The following GNA14 variants were observed in gnomAD, a reference collection of about 807,000 sequenced individuals.
GNA14 encodes guanine nucleotide-binding protein subunit alpha-14.
GNA14 carries 50 observed loss-of-function variants against 42.0 expected under a neutral mutation model. The ratio of observed to expected loss-of-function variants is 1.19; its 90% confidence interval spans 0.95 to 1.51. The LOEUF is 1.51. GNA14 is among the 40% of genes most tolerant of loss of function. The pLI is 0.00. For missense variants in GNA14, 473 were observed against 446.2 expected (o/e 1.06, Z -0.54); for synonymous variants, 173 against 163.1 (o/e 1.06, Z -0.46).
intron 2 of GNA14, among the ~76,000 whole-genome samples, chr9:77,524,757 T>G (rs1016809341): frequency 1.3e-5 from 2 of 151,802 alleles, no homozygotes; most frequent in African/African-American, 4.8e-5. Context: ...CACAGGAAAA[T>G]GATAGAGAAG....
Position 77,478,689 on chromosome 9 carries a change from G to C in GNA14, c.310-44167C>G, listed in dbSNP as rs1051995065. ...TTTCTCCACATCCTCTCCAGCACCTGTTGTTTCCTGACTTTTTAATGATTG... is the reference window on the plus strand; with the variant it reads ...TTTCTCCACATCCTCTCCAGCACCTCTTGTTTCCTGACTTTTTAATGATTG... On this transcript the variant is annotated intron_variant, in intron 2 of 6. Coordinates refer to ENST00000341700, the MANE Select transcript of GNA14 (RefSeq NM_004297.4). Among the ~76,000 whole-genome samples, 521 of 152,208 alleles carry C rather than the reference G, an allele frequency of 3.4e-3. 4 individuals carry two copies. Among genetic ancestry groups the C allele is most frequent in the African/African-American group, 0.012 (507 of 41,542 alleles).
At chr9:77,568,026 G>A (rs189479758) in intron 1 of GNA14, among the ~76,000 whole-genome samples, 1 of 152,138 alleles carries the variant, frequency 6.6e-6, no homozygotes, top group African/African-American at 2.4e-5. Flanking sequence ...GAGGAGGAAG[G>A]AAGACTAGAA....
At chr9:77,643,366 A>G (rs1181726477) in intron 1 of GNA14, among the ~76,000 whole-genome samples, 1 of 151,566 alleles carries the variant, frequency 6.6e-6, no homozygotes, top group African/African-American at 2.4e-5. Flanking sequence ...CAACCTCCTG[A>G]GAAGCTGGGA....
chr9:77,516,375 T>G (rs1235414746), intron 2 of GNA14, among the ~76,000 whole-genome samples: 2 of 152,204 alleles, frequency 1.3e-5, no homozygotes, highest in Non-Finnish European at 2.9e-5. Context: ...GTGGCAGAGA[T>G]ACCACTCACT....
chr9:77,528,949 C>T, intron 2 of GNA14, 120 bp downstream of exon 2: 1 of 826,872 alleles, frequency 1.2e-6, no homozygotes, highest in South Asian at 1.6e-5. Flanking sequence ...GTGATCCCCA[C>T]ACCCCAGGGA....
In GNA14 at chr9:77,641,914, T is replaced by A. The variant is rs189954824; in HGVS notation, c.124+5756A>T. Among the ~76,000 whole-genome samples the A allele has an allele frequency of 4.1e-3, 629 of 152,308 alleles. 1 individual carries two copies. The highest frequency in any genetic ancestry group is 6.5e-3 in the Non-Finnish European group (443 of 68,022). ...TAGGGAAAAAAAGGCCACAATACATTTAACTTACCCTCAAACACTGCCAAG... is the reference window on the plus strand; with the variant it reads ...TAGGGAAAAAAAGGCCACAATACATATAACTTACCCTCAAACACTGCCAAG... On this transcript the variant is annotated intron_variant, in intron 1 of 6. Coordinates refer to ENST00000341700, the MANE Select transcript of GNA14 (RefSeq NM_004297.4).
chr9:77,550,577 A>T (rs1207959977), intron 1 of GNA14, among the ~76,000 whole-genome samples: 1 of 152,196 alleles, frequency 6.6e-6, no homozygotes, highest in African/African-American at 2.4e-5. Context: ...TTCAAAACAC[A>T]CTCATTATCA....
chr9:77,427,242 G>A (rs568901593), intron 5 of GNA14, among the ~76,000 whole-genome samples: 1 of 151,822 alleles, frequency 6.6e-6, no homozygotes, highest in Non-Finnish European at 1.5e-5. Flanking sequence ...AATCGTTTGA[G>A]TTTCCTGAGG....
At chr9:77,530,129 C>T (rs1837506800) in intron 1 of GNA14, among the ~76,000 whole-genome samples, 1 of 152,152 alleles carries the variant, frequency 6.6e-6, no homozygotes, top group African/African-American at 2.4e-5. Context: ...AGACCTGTGT[C>T]CCTACCCAAA....
intron 5 of GNA14, among the ~76,000 whole-genome samples, chr9:77,426,430 G>A (rs917212966): frequency 6.6e-6 from 1 of 151,804 alleles, no homozygotes; most frequent in Admixed American, 6.6e-5. Context: ...TCAGCCTCCC[G>A]AGTGGCTGGG....
intron 1 of GNA14, among the ~76,000 whole-genome samples, chr9:77,553,471 T>A (rs957800678): frequency 1.3e-5 from 2 of 151,896 alleles, no homozygotes; most frequent in African/African-American, 2.4e-5. Flanking sequence ...CAGTTTTTTT[T>A]AAAACAGCAC....
At chr9:77,493,026 A>ATATATATATATATATATAT (rs1261356124) in intron 2 of GNA14, among the ~76,000 whole-genome samples, 5 of 51,654 alleles carry the variant, frequency 9.7e-5, no homozygotes, top group Admixed American at 1.9e-4. Flanking sequence ...AAAAAAAAAA[A>ATATATATATATATATATAT]ATATATATAT....
intron 1 of GNA14, among the ~76,000 whole-genome samples, chr9:77,588,235 T>C (rs1365194330): frequency 6.6e-6 from 1 of 152,142 alleles, no homozygotes; most frequent in African/African-American, 2.4e-5. Context: ...GGGACATCTT[T>C]GGGGGGCTAT....
chr9:77,477,037 T>G (rs757000162), intron 2 of GNA14, among the ~76,000 whole-genome samples: 1 of 152,092 alleles, frequency 6.6e-6, no homozygotes, highest in South Asian at 2.1e-4. Flanking sequence ...GCACCAAGTA[T>G]AGTTTAAGGA....
intron 4 of GNA14, among the ~76,000 whole-genome samples, chr9:77,429,977 A>G (rs1409208839): frequency 6.6e-6 from 1 of 152,096 alleles, no homozygotes; most frequent in African/African-American, 2.4e-5. Flanking sequence ...CATTGTGGTT[A>G]GGTGGTCCAC....
At chr9:77,567,909 T>C (rs1464888923) in intron 1 of GNA14, among the ~76,000 whole-genome samples, 1 of 152,138 alleles carries the variant, frequency 6.6e-6, no homozygotes, top group Admixed American at 6.5e-5. Context: ...AGCAAAAGTT[T>C]GTGATAATGT....
chr9:77,432,197 G>T (rs1461583305), intron 3 of GNA14, among the ~76,000 whole-genome samples: 1 of 151,898 alleles, frequency 6.6e-6, no homozygotes, highest in African/African-American at 2.4e-5. Context: ...AAGAGTTGTA[G>T]ATGCAGAGCC....
At chr9:77,437,064 G>A (rs1835650461) in intron 2 of GNA14, among the ~76,000 whole-genome samples, 1 of 152,132 alleles carries the variant, frequency 6.6e-6, no homozygotes, top group Non-Finnish European at 1.5e-5. Context: ...TGCTTCTTGT[G>A]GGCATGCCTC....
intron 1 of GNA14, among the ~76,000 whole-genome samples, chr9:77,578,049 C>T (rs1421337656): frequency 2.0e-5 from 3 of 151,648 alleles, no homozygotes; most frequent in Non-Finnish European, 4.4e-5. Context: ...GGGCAGATCA[C>T]GAGGTCAAGA....
Sources: allele counts gnomAD v4.1 joint callset (sites outside exome capture counted in the v4.1 genomes callset), GRCh38; gene constraint gnomAD v4.1.1; transcripts MANE v1.5; gene names NCBI Gene and HGNC (gene_info 2026-07-23, HGNC 2026-07-21).